SDK1: variants seen among roughly 807,000 people sequenced by gnomAD.
SDK1 encodes sidekick cell adhesion molecule 1.
A neutral mutation model predicts 245.5 loss-of-function variants in SDK1; 157 were observed. The ratio of observed to expected loss-of-function variants is 0.64; its 90% confidence interval spans 0.56 to 0.73. SDK1 has a LOEUF of 0.73. Among genes scored for constraint, SDK1 ranks in the 30% least tolerant of loss-of-function variants. The pLI, the probability that SDK1 is intolerant of heterozygous loss-of-function variation, is 0.00. For synonymous variants in SDK1, 1,647 were observed against 1,278.5 expected (o/e 1.29, Z -6.15); for missense variants, 3,583 against 3,002.3 (o/e 1.19, Z -4.52).
chr7:3,350,292 GTTAT>G (rs1187295200), intron 1 of SDK1, among the ~76,000 whole-genome samples: 4 of 151,204 alleles, frequency 2.6e-5, no homozygotes, highest in Non-Finnish European at 5.9e-5. Context: ...CTGTGTGGGC[GTTAT>G]TTATTTGGGG....
chr7:4,246,093 C>T (rs1308778746), intron 44 of SDK1, among the ~76,000 whole-genome samples: 1 of 152,134 alleles, frequency 6.6e-6, no homozygotes, highest in Non-Finnish European at 1.5e-5. Flanking sequence ...GCTTTAGGCC[C>T]AGCAGAGCTC....
chr7:3,641,586 G>A (rs978627465), intron 3 of SDK1, among the ~76,000 whole-genome samples: 1 of 152,184 alleles, frequency 6.6e-6, no homozygotes. Flanking sequence ...TTAGGAGCTA[G>A]GAGATGTCTG....
At chr7:4,033,559 TG>T (rs1787990484) in intron 17 of SDK1, among the ~76,000 whole-genome samples, 1 of 152,182 alleles carries the variant, frequency 6.6e-6, no homozygotes, top group African/African-American at 2.4e-5. Flanking sequence ...GGGAAATCTT[TG>T]CAGTTTATAT....
chr7:4,249,544 G>C (rs987273944), intron 44 of SDK1, among the ~76,000 whole-genome samples: 1 of 152,188 alleles, frequency 6.6e-6, no homozygotes, highest in African/African-American at 2.4e-5. Flanking sequence ...TTTCACCTAG[G>C]ATTTGGGGGC....
chr7:4,108,701 A>G (rs1783119548), intron 22 of SDK1, among the ~76,000 whole-genome samples: 3 of 152,150 alleles, frequency 2.0e-5, no homozygotes, highest in Admixed American at 2.0e-4. Context: ...CATAAAATTA[A>G]CCATTTTAAA....
chr7:3,560,088 C>G (rs62440177), intron 1 of SDK1, among the ~76,000 whole-genome samples: 2,496 of 152,268 alleles, frequency 0.016, 30 homozygotes, highest in Non-Finnish European at 0.027. Flanking sequence ...TCTTAATAAC[C>G]CATACAAAAT....
At chr7:3,343,410 T>C (rs2128555224) in intron 1 of SDK1, among the ~76,000 whole-genome samples, 1 of 152,290 alleles carries the variant, frequency 6.6e-6, no homozygotes, top group South Asian at 2.1e-4. Context: ...TAAAAGGTTA[T>C]ATGTTGTATA....
rs1179823777 is a variant in SDK1, at chr7:4,062,095, C to T, written c.2912-5743C>T. On this transcript the variant is annotated intron_variant, in intron 19 of 44. Coordinates refer to ENST00000404826, the MANE Select transcript of SDK1 (RefSeq NM_152744.4). Reference sequence around the variant, plus strand: ...CATGTATACATATGTAACTAACCTGCACATTGTGCACATGTACCCTAAAAC... The same window carrying T: ...CATGTATACATATGTAACTAACCTGTACATTGTGCACATGTACCCTAAAAC... Among the ~76,000 whole-genome samples, 3 of 151,714 alleles carry T rather than the reference C, an allele frequency of 2.0e-5. No homozygotes were observed. In the East Asian group the frequency reaches 5.8e-4, roughly 29 times the overall value.
At chr7:3,572,147 T>C (rs1394198223) in intron 1 of SDK1, among the ~76,000 whole-genome samples, 1 of 152,102 alleles carries the variant, frequency 6.6e-6, no homozygotes, top group Non-Finnish European at 1.5e-5. Flanking sequence ...ACTGGGCACT[T>C]ATGTTCAAAG....
At chr7:3,594,234 C>G (rs1166086754) in intron 1 of SDK1, among the ~76,000 whole-genome samples, 1 of 152,204 alleles carries the variant, frequency 6.6e-6, no homozygotes, top group Non-Finnish European at 1.5e-5. Context: ...ACTTGTTTCA[C>G]TCAACATAGT....
chr7:3,733,151 A>G (rs1779227585), intron 4 of SDK1, among the ~76,000 whole-genome samples: 3 of 152,210 alleles, frequency 2.0e-5, no homozygotes, highest in South Asian at 2.1e-4. Flanking sequence ...TTAGGTAACT[A>G]TGGATGGCTC....
intron 20 of SDK1, among the ~76,000 whole-genome samples, chr7:4,073,686 T>G (rs1780417784): frequency 6.6e-6 from 1 of 152,182 alleles, no homozygotes; most frequent in Non-Finnish European, 1.5e-5. Context: ...CCCACCAAGG[T>G]CAGGGATGTC....
chr7:4,035,130 C>T (rs1788122244), intron 17 of SDK1, among the ~76,000 whole-genome samples: 1 of 151,752 alleles, frequency 6.6e-6, no homozygotes, highest in South Asian at 2.1e-4. Flanking sequence ...AAGCACGTAC[C>T]ACCATGCCCA....
intron 1 of SDK1, among the ~76,000 whole-genome samples, chr7:3,565,941 TAA>T (rs1478466830): frequency 2.6e-5 from 4 of 152,170 alleles, no homozygotes; most frequent in African/African-American, 4.8e-5. Context: ...GATCAAACTA[TAA>T]GAGTCAATTT....
At chr7:3,754,700 T>G (rs1403065026) in intron 4 of SDK1, among the ~76,000 whole-genome samples, 3 of 151,220 alleles carry the variant, frequency 2.0e-5, no homozygotes, top group Admixed American at 6.6e-5. Flanking sequence ...GGGGGCGGAG[T>G]ACTCCCTTGT....
At chr7:3,964,839 G>C (rs997066237) in intron 9 of SDK1, among the ~76,000 whole-genome samples, 4 of 152,198 alleles carry the variant, frequency 2.6e-5, no homozygotes, top group African/African-American at 9.7e-5. Context: ...GTAGCAAGCT[G>C]TGCATGTGTT....
At chr7:4,183,249 C>G (rs1312435655) in intron 35 of SDK1, among the ~76,000 whole-genome samples, 1 of 152,136 alleles carries the variant, frequency 6.6e-6, no homozygotes, top group Admixed American at 6.6e-5. Flanking sequence ...ATTGTAGTTT[C>G]TATAATAGTG....
intron 4 of SDK1, among the ~76,000 whole-genome samples, chr7:3,751,461 G>C (rs936860994): frequency 8.9e-5 from 13 of 146,006 alleles, no homozygotes; most frequent in African/African-American, 3.2e-4. Flanking sequence ...GGGGTGGGGG[G>C]AGGAGGGAGG....
At chr7:3,343,264 C>T (rs1450511734) in intron 1 of SDK1, among the ~76,000 whole-genome samples, 2 of 152,168 alleles carry the variant, frequency 1.3e-5, no homozygotes, top group Non-Finnish European at 2.9e-5. Flanking sequence ...ACACAGGAAA[C>T]AGCCCAGATG....
Sources: gnomAD v4.1 joint callset for allele counts (sites outside exome capture counted in the v4.1 genomes callset) on GRCh38, gnomAD v4.1.1 for gene constraint, MANE v1.5 for transcripts, NCBI Gene and HGNC (gene_info 2026-07-23, HGNC 2026-07-21) for gene names.